The following TFAP2E variants were observed in gnomAD, a reference collection of about 807,000 sequenced individuals.
The protein encoded by TFAP2E is transcription factor AP-2-epsilon.
Under a neutral mutation model 37.9 loss-of-function variants are expected in TFAP2E, and 30 were observed. The observed-to-expected ratio is 0.79, with a 90% CI of 0.59 to 1.07. The LOEUF is 1.07. Among genes scored for constraint, TFAP2E ranks in the 50% least tolerant of loss-of-function variants. TFAP2E has a pLI of 0.00. For synonymous variants in TFAP2E, 318 were observed against 295.8 expected, an observed-to-expected ratio of 1.08 and a Z score of -0.77; for missense variants, 567 against 637.9, an observed-to-expected ratio of 0.89 and a Z score of 1.20.
intron 2 of TFAP2E, 75 bp from the exon 3 acceptor site, chr1:35,574,874 G>A (rs1649123962): frequency 1.2e-6 from 2 of 1,603,118 alleles, no homozygotes; most frequent in South Asian, 2.2e-5. Context: ...CAGAGACCCT[G>A]GGTGGCAGGG....
Position 35,577,413 on chromosome 1 carries a change from C to T in TFAP2E, c.562+2413C>T, listed in dbSNP as rs746364469. On this transcript the variant is annotated intron_variant, in intron 3 of 6. Coordinates refer to ENST00000373235, the MANE Select transcript of TFAP2E (RefSeq NM_178548.4). The surrounding 1 kb of genome is among the most constrained non-coding windows in gnomAD (Gnocchi z 6.3). ...CCTCCTTCGTCCTCGGCCCTTCCGA[C>T]GGCACGAGGAACTCCTGTCCTGCCC... 4.4e-6 allele frequency: 2 copies of T among 456,818 alleles called. No homozygotes were observed. The highest frequency in any genetic ancestry group is 3.1e-5 in the South Asian group (2 of 64,572). The allele number at this position is 456,818 out of a possible 1,614,324, so 28.3% of individuals were successfully genotyped here. A position where few individuals can be genotyped will look rare whatever the true frequency, so the allele number is the denominator to read the frequency against.
chr1:35,590,989 G>A lies in TFAP2E; in HGVS notation c.1046+214G>A, dbSNP rs890684067. On this transcript the variant is annotated intron_variant, in intron 6 of 6. Coordinates refer to ENST00000373235, the MANE Select transcript of TFAP2E (RefSeq NM_178548.4). This position sits in a 1 kb window ranked among gnomAD's most constrained non-coding sequence, Gnocchi z 6.2. ...CACGTATGTGTGCGCCACTGTGTAC[G>A]TGAGCAGTGGGCACACACACGTACG... 2.0e-5 allele frequency among the ~76,000 whole-genome samples: 3 copies of A among 150,838 alleles called. No individual in the cohort carries two copies. Among genetic ancestry groups the A allele is most frequent in the Non-Finnish European group, 3.0e-5 (2 of 67,640 alleles).
In TFAP2E at chr1:35,594,952, TG is replaced by T; in HGVS notation, c.*277del. ...GAAGGGTTTGGACAGAAAATTGACA[TG>T]AAAAGATCTGGCTCATGGGGCAGAG... On this transcript the variant is annotated 3_prime_UTR_variant, in exon 7 of 7. Coordinates refer to ENST00000373235, the MANE Select transcript of TFAP2E (RefSeq NM_178548.4). 6.1e-6 allele frequency: 3 copies of T among 494,628 alleles called. No individual in the cohort carries two copies. The highest frequency in any genetic ancestry group is 1.1e-5 in the Non-Finnish European group (3 of 278,680). 30.6% of individuals were successfully genotyped at this position (494,628 alleles called of 1,614,324 possible). A position where few individuals can be genotyped will look rare whatever the true frequency, so the allele number is the denominator to read the frequency against.
In TFAP2E at chr1:35,595,314, T is replaced by C. The variant is rs140555822; in HGVS notation, c.*638T>C. On this transcript the variant is annotated 3_prime_UTR_variant, in exon 7 of 7. Coordinates refer to ENST00000373235, the MANE Select transcript of TFAP2E (RefSeq NM_178548.4). ...TTTATTTATGTATGTTGTAATTAAA[T>C]TTGAAATTTTAAAATGTCCAGTGCA... The C allele has an allele frequency of 3.3e-3, 500 of 152,630 alleles. 2 individuals are homozygous for C. The highest frequency in any genetic ancestry group is 4.6e-3 in the Non-Finnish European group (312 of 68,300). 9.5% of individuals were successfully genotyped at this position (152,630 alleles called of 1,614,324 possible). A position where few individuals can be genotyped will look rare whatever the true frequency, so the allele number is the denominator to read the frequency against.
chr1:35,595,148 C>A lies in TFAP2E; in HGVS notation c.*472C>A. 1 of 202,164 alleles carries A rather than the reference C, an allele frequency of 4.9e-6. No individual in the cohort carries two copies. Among genetic ancestry groups the A allele is most frequent in the Non-Finnish European group, 9.9e-6 (1 of 101,388 alleles). The allele number at this position is 202,164 out of a possible 1,614,324, so 12.5% of individuals were successfully genotyped here. The stretch of plus-strand genomic sequence containing the variant: ...CAGAAAAGGGGTGCTGGAAGGAGGC[C>A]CCAGTGGACTCTTTGTACCCTTCCT... On this transcript the variant is annotated 3_prime_UTR_variant, in exon 7 of 7. Coordinates refer to ENST00000373235, the MANE Select transcript of TFAP2E (RefSeq NM_178548.4).
At position 35,589,921 on chromosome 1, in the gene TFAP2E, C is replaced by T. The variant is rs771147842; in HGVS notation, c.786-9C>T. ...AGTTGTATGTCTGTCTGTCTCTGTG[C>T]ATGTCAAGGGCCAAGTCCAAAAATG... On this transcript the variant is annotated splice_polypyrimidine_tract_variant and intron_variant, in intron 4 of 6. Transcript: ENST00000373235. 3 of 1,613,344 alleles carry T rather than the reference C, an allele frequency of 1.9e-6. No homozygotes were observed. Among genetic ancestry groups the T allele is most frequent in the Non-Finnish European group, 2.5e-6 (3 of 1,179,346 alleles).
rs2148544482 is a variant in TFAP2E at position 35,574,402 on chromosome 1, A to G, written c.503A>G (p.Asp168Gly). The change falls in exon 2 of 7, where the codon GAC becomes GGC. Residue 168 changes from aspartate to glycine, a missense_variant. Physicochemically the swap from Asp to Gly is moderately conservative, Grantham distance 94. Transcript: ENST00000373235. ...PGLAAAPGLE[D>G]LQAMDEPGMS... ...CTGGCGGCGGCCCCCGGTCTGGAGGACCTGCAGGTGAGACCCGAGGGATCC... is the reference window on the plus strand; with the variant it reads ...CTGGCGGCGGCCCCCGGTCTGGAGGGCCTGCAGGTGAGACCCGAGGGATCC... 7.0e-7 allele frequency: 1 copy of G among 1,428,400 alleles called. No individual in the cohort carries two copies. Among genetic ancestry groups the G allele is most frequent in the South Asian group, 1.5e-5 (1 of 67,972 alleles). 88.5% of individuals were successfully genotyped at this position (1,428,400 alleles called of 1,614,324 possible).
chr1:35,577,758 T>TG lies in TFAP2E; in HGVS notation c.562+2759dup, dbSNP rs1460065389. The TG allele has an allele frequency of 4.1e-6, 1 of 245,234 alleles. No homozygotes were observed. The highest frequency in any genetic ancestry group is 2.3e-5 in the African/African-American group (1 of 44,200). 15.2% of individuals were successfully genotyped at this position (245,234 alleles called of 1,614,324 possible). A position where few individuals can be genotyped will look rare whatever the true frequency, so the allele number is the denominator to read the frequency against. On this transcript the variant is annotated intron_variant, in intron 3 of 6. Transcript: ENST00000373235. This position sits in a 1 kb window ranked among gnomAD's most constrained non-coding sequence, Gnocchi z 6.3. ...CCTGGGTTGGAAAAGCTTCGCTGAC[T>TG]GCAGGCAAGCGTCCGGGAGGGGCGG...
intron 3 of TFAP2E, among the ~76,000 whole-genome samples, chr1:35,586,705 TG>T (rs1649489789): frequency 6.6e-6 from 1 of 151,872 alleles, no homozygotes; most frequent in Non-Finnish European, 1.5e-5. Flanking sequence ...TGGGATGTGC[TG>T]GGGGAGAGGG....
At chr1:35,578,303 C>CT (rs1174482929) in intron 3 of TFAP2E, among the ~76,000 whole-genome samples, 1 of 152,034 alleles carries the variant, frequency 6.6e-6, no homozygotes, top group African/African-American at 2.4e-5. Flanking sequence ...TGGTGCGCGT[C>CT]TGTAGTCCCA....
intron 3 of TFAP2E, among the ~76,000 whole-genome samples, chr1:35,580,576 C>T (rs549773899): frequency 1.3e-5 from 2 of 152,100 alleles, no homozygotes; most frequent in Admixed American, 6.5e-5. Context: ...CTGGCAAACA[C>T]GGTGAAACCC....
chr1:35,573,891 C>T lies in TFAP2E; in HGVS notation c.28-36C>T. 2 of 1,439,144 alleles carry T rather than the reference C, an allele frequency of 1.4e-6. No individual in the cohort carries two copies. Among genetic ancestry groups the T allele is most frequent in the South Asian group, 3.0e-5 (2 of 66,740 alleles). The allele number at this position is 1,439,144 out of a possible 1,614,324, so 89.1% of individuals were successfully genotyped here. A position where few individuals can be genotyped will look rare whatever the true frequency, so the allele number is the denominator to read the frequency against. On this transcript the variant is annotated intron_variant, in intron 1 of 6. Coordinates refer to ENST00000373235, the MANE Select transcript of TFAP2E (RefSeq NM_178548.4). This position sits in a 1 kb window ranked among gnomAD's most constrained non-coding sequence, Gnocchi z 5.9. ...TTCAGGCTGGGGTCCTTTCAGCTGC[C>T]AGTGGGTCACCTAAGGCACCCCTCT... is the stretch of plus-strand genomic sequence containing the variant.
chr1:35,574,663 C>T (rs552698727), intron 2 of TFAP2E: 37 of 678,570 alleles, frequency 5.5e-5, no homozygotes, highest in Non-Finnish European at 3.4e-5. Context: ...CTTTTCTCCC[C>T]GCTGCCACGT....
chr1:35,588,641 C>T lies in TFAP2E; in HGVS notation c.785+89C>T. On this transcript the variant is annotated intron_variant, in intron 4 of 6. Transcript: ENST00000373235. The surrounding 1 kb of genome is among the most constrained non-coding windows in gnomAD (Gnocchi z 5.1). ...GGCATCAGAGAGGAGGCCAGTCTCA[C>T]CTAGGCCCTCTGCCTCAGTCTCCCT... The T allele has an allele frequency of 1.5e-6, 2 of 1,319,766 alleles. No individual in the cohort carries two copies. The highest frequency in any genetic ancestry group is 2.0e-6 in the Non-Finnish European group (2 of 982,034). The allele number at this position is 1,319,766 out of a possible 1,614,324, so 81.8% of individuals were successfully genotyped here. A position where few individuals can be genotyped will look rare whatever the true frequency, so the allele number is the denominator to read the frequency against.
At chr1:35,581,118 A>G (rs2148548376) in intron 3 of TFAP2E, among the ~76,000 whole-genome samples, 1 of 152,376 alleles carries the variant, frequency 6.6e-6, no homozygotes, top group South Asian at 2.1e-4. Context: ...ATATATAAAT[A>G]TGCAGACTTT....
rs1411779481 is a variant in TFAP2E at position 35,594,683 on chromosome 1, C to G, written c.*7C>G. On this transcript the variant is annotated 3_prime_UTR_variant, in exon 7 of 7. Transcript: ENST00000373235. ...TGCCAAGCATCGGAAATAACTGCTTCTCCCACCCCATCCCTAAGGGGCTCC... is the reference window on the plus strand; with the variant it reads ...TGCCAAGCATCGGAAATAACTGCTTGTCCCACCCCATCCCTAAGGGGCTCC... 1 of 1,613,560 alleles carries G rather than the reference C, an allele frequency of 6.2e-7. No individual in the cohort carries two copies.
Position 35,577,433 on chromosome 1 carries a change from C to G in TFAP2E, c.562+2433C>G. Reference sequence around the variant, plus strand: ...TCCGACGGCACGAGGAACTCCTGTCCTGCCCCACAGACCTTCGGCCTCCGC... The same window carrying G: ...TCCGACGGCACGAGGAACTCCTGTCGTGCCCCACAGACCTTCGGCCTCCGC... On this transcript the variant is annotated intron_variant, in intron 3 of 6. Transcript: ENST00000373235. This position sits in a 1 kb window ranked among gnomAD's most constrained non-coding sequence, Gnocchi z 6.3. The G allele has an allele frequency of 2.2e-6, 1 of 456,808 alleles. No individual in the cohort carries two copies. Among genetic ancestry groups the G allele is most frequent in the Non-Finnish European group, 4.4e-6 (1 of 226,990 alleles). 28.3% of individuals were successfully genotyped at this position (456,808 alleles called of 1,614,324 possible).
chr1:35,584,652 C>T (rs1649436256), intron 3 of TFAP2E, among the ~76,000 whole-genome samples: 1 of 152,128 alleles, frequency 6.6e-6, no homozygotes, highest in African/African-American at 2.4e-5. Flanking sequence ...ATCCTCCTAC[C>T]TCAGCCTCCA....
At chr1:35,583,808 G>C (rs6425949) in intron 3 of TFAP2E, among the ~76,000 whole-genome samples, 39,322 of 151,944 alleles carry the variant, frequency 0.26, 10,749 homozygotes, top group East Asian at 0.78. Context: ...TTCTGTGACC[G>C]ACCTGCTTCC....
Sources: gnomAD v4.1 joint callset for allele counts (sites outside exome capture counted in the v4.1 genomes callset) on GRCh38, gnomAD v4.1.1 for gene constraint, Gnocchi (gnomAD v3.1) non-coding constraint, MANE v1.5 for transcripts, NCBI Gene and HGNC (gene_info 2026-07-23, HGNC 2026-07-21) for gene names.